Variants in ELMOD3 observed in about 807,000 individuals in gnomAD.
The protein encoded by ELMOD3 is ELMO domain containing 3.
ELMOD3 carries 36 observed loss-of-function variants against 47.4 expected under a neutral mutation model. The observed-to-expected ratio is 0.76, with a 90% CI of 0.58 to 1.00. ELMOD3 has a LOEUF of 1.00. ELMOD3 is among the 50% of genes least tolerant of loss of function. ELMOD3 has a pLI of 0.00. For synonymous variants in ELMOD3, 149 were observed against 183.5 expected (o/e 0.81, Z 1.52); for missense variants, 404 against 463.8 (o/e 0.87, Z 1.18).
intron 11 of ELMOD3, 107 bp downstream of exon 11, chr2:85,377,581 C>T: frequency 8.1e-7 from 1 of 1,227,462 alleles, no homozygotes. Context: ...AATGGGCTTC[C>T]CCGTCAGTCT....
At chr2:85,357,624 C>T in intron 4 of ELMOD3, 1 of 159,918 alleles carries the variant, frequency 6.3e-6, no homozygotes, top group Non-Finnish European at 1.4e-5. Flanking sequence ...TTTGTATGAG[C>T]CGGGCAGCTA....
rs1184031151 is a variant in ELMOD3 at position 85,390,444 on chromosome 2, T to G, written c.943+179T>G. The G allele has an allele frequency of 3.1e-6, 5 of 1,614,216 alleles. No individual in the cohort carries two copies. In the East Asian group the frequency reaches 1.1e-4, roughly 36 times the overall value. ...TGGAGTCTGCTAGTTCTCCTTTCTC[T>G]GCCCTGACTGTCGCCCTTTTCTGGT... On this transcript the variant is annotated intron_variant, in intron 13 of 13. Transcript: ENST00000409013.
chr2:85,381,824 G>A (rs1685558687), intron 11 of ELMOD3, among the ~76,000 whole-genome samples: 2 of 152,002 alleles, frequency 1.3e-5, no homozygotes, highest in Admixed American at 6.6e-5. Flanking sequence ...TGCTGTCAAT[G>A]TTTAAGATTT....
intron 10 of ELMOD3, among the ~76,000 whole-genome samples, chr2:85,375,620 C>G (rs930290490): frequency 2.6e-5 from 4 of 152,010 alleles, no homozygotes; most frequent in African/African-American, 9.7e-5. Flanking sequence ...AATTGCTTAC[C>G]AAAGGCATTT....
intron 10 of ELMOD3, chr2:85,377,016 A>G (rs1685204728): frequency 5.8e-6 from 1 of 171,120 alleles, no homozygotes; most frequent in South Asian, 1.9e-4. Flanking sequence ...CAGAAAGTGC[A>G]TTATTCATCT....
At chr2:85,369,670 G>A (rs139909907) in intron 7 of ELMOD3, 69 bp from the exon 8 acceptor site, 30,891 of 1,529,282 alleles carry the variant, frequency 0.02, 393 homozygotes, top group Non-Finnish European at 0.024. Flanking sequence ...ACAAGTAGGA[G>A]GGCCTCAGTA....
chr2:85,368,702 G>T lies in ELMOD3; in HGVS notation c.216G>T (p.Val72=), dbSNP rs765214839. The T allele has an allele frequency of 6.2e-6, 10 of 1,613,922 alleles. No individual in the cohort carries two copies. Among genetic ancestry groups the T allele is most frequent in the African/African-American group, 1.3e-5 (1 of 74,864 alleles). ...EWEPRVVSTE[V]VRAQEEWEAV... The stretch of plus-strand genomic sequence containing the variant: ...CTATTGCAGTTGTGAGTACAGAGGT[G>T]GTCAGAGCCCAAGAAGAATGGGAAG... The change falls in exon 7 of 14, where the codon GTG becomes GTT. Residue 72 remains valine (V), a synonymous_variant. Coordinates refer to ENST00000409013, the MANE Select transcript of ELMOD3 (RefSeq NM_001135022.2).
chr2:85,369,577 C>A (rs1684640441), intron 7 of ELMOD3, among the ~76,000 whole-genome samples, 162 bp from the exon 8 acceptor site: 1 of 152,220 alleles, frequency 6.6e-6, no homozygotes, highest in African/African-American at 2.4e-5. Flanking sequence ...TCTTCGCCGA[C>A]AATGCCAGCC....
intron 10 of ELMOD3, 103 bp from the exon 11 acceptor site, chr2:85,377,241 T>G (rs1161347480): frequency 1.8e-6 from 2 of 1,092,114 alleles, no homozygotes; most frequent in Non-Finnish European, 2.5e-6. Context: ...CTGCTCATGC[T>G]CCGCTAGCCT....
intron 11 of ELMOD3, among the ~76,000 whole-genome samples, chr2:85,379,194 ATTTTGTTTTG>A (rs950331637): frequency 3.9e-5 from 6 of 152,050 alleles, no homozygotes; most frequent in East Asian, 3.9e-4. Flanking sequence ...TTAAAACATT[ATTTTGTTTTG>A]TTTTGTTTTG....
Position 85,368,735 on chromosome 2 carries a change from C to T in ELMOD3, c.249C>T (p.Asp83=). ...CCCAAGAAGAATGGGAAGCTGTGGA[C>T]ACCATCCAGCCAGAGACAGGTAACT... ...VRAQEEWEAV[D]TIQPETGSQA... Residue 83 remains aspartate (D), a synonymous_variant, in exon 7 of 14, where the codon GAC becomes GAT. Coordinates refer to ENST00000409013, the MANE Select transcript of ELMOD3 (RefSeq NM_001135022.2). The T allele has an allele frequency of 6.2e-7, 1 of 1,614,164 alleles. No individual in the cohort carries two copies. Among genetic ancestry groups the T allele is most frequent in the African/African-American group, 1.3e-5 (1 of 75,036 alleles).
At chr2:85,365,796 G>T (rs1573097726) in intron 6 of ELMOD3, among the ~76,000 whole-genome samples, 1 of 152,184 alleles carries the variant, frequency 6.6e-6, no homozygotes, top group East Asian at 1.9e-4. Context: ...GCTGTTTGTA[G>T]GCGAGGGTGT....
At chr2:85,390,031 T>C (rs760866059) in intron 12 of ELMOD3, 107 bp from the exon 13 acceptor site, 1 of 1,243,158 alleles carries the variant, frequency 8.0e-7, no homozygotes, top group Admixed American at 1.7e-5. Context: ...GGGGGCATCC[T>C]GGGTTTGGGC....
intron 7 of ELMOD3, 136 bp downstream of exon 7, chr2:85,368,890 A>G (rs2104568408): frequency 1.2e-6 from 1 of 862,122 alleles, no homozygotes; most frequent in South Asian, 1.5e-5. Context: ...ACTATATAAC[A>G]TAGATTACAG....
intron 5 of ELMOD3, among the ~76,000 whole-genome samples, chr2:85,362,858 C>CA (rs534681901): frequency 6.6e-6 from 1 of 152,224 alleles, no homozygotes; most frequent in Non-Finnish European, 1.5e-5. Context: ...GTGGAGGTTG[C>CA]AGTGAGCCAA....
At chr2:85,369,671 G>A in intron 7 of ELMOD3, 68 bp from the exon 8 acceptor site, 1 of 1,532,616 alleles carries the variant, frequency 6.5e-7, no homozygotes, top group South Asian at 1.2e-5. Context: ...CAAGTAGGAG[G>A]GCCTCAGTAA....
Position 85,391,562 on chromosome 2 carries a change from C to T in ELMOD3, c.*600C>T, listed in dbSNP as rs540702645. 2.0e-5 allele frequency: 3 copies of T among 153,506 alleles called. No homozygotes were observed. Among genetic ancestry groups the T allele is most frequent in the Admixed American group, 6.5e-5 (1 of 15,340 alleles). The allele number at this position is 153,506 out of a possible 1,614,324, so 9.5% of individuals were successfully genotyped here. On this transcript the variant is annotated 3_prime_UTR_variant, in exon 14 of 14. Transcript: ENST00000409013. ...CCCACTCTCTTCTCCCCCTGACCCC[C>T]GCTCCATTGTTTATGATGGAAAAAC...
In ELMOD3 at chr2:85,390,330, G is replaced by A. The variant is rs189210777; in HGVS notation, c.943+65G>A. On this transcript the variant is annotated intron_variant, in intron 13 of 13. Transcript: ENST00000409013. ...AGTGTCCCAGGTCCAGAGAGCCCAA[G>A]GTGGTTGCTAGACTGGTTTTGGCTG... 1.6e-4 allele frequency: 252 copies of A among 1,614,106 alleles called. No homozygotes were observed. The highest frequency in any genetic ancestry group is 9.7e-4 in the Admixed American group (58 of 60,012).
chr2:85,387,666 CA>C (rs33992978), intron 11 of ELMOD3, among the ~76,000 whole-genome samples: 230 of 94,072 alleles, frequency 2.4e-3, no homozygotes, highest in East Asian at 6.0e-3. Context: ...GACTCCATCT[CA>C]AAAAAAAAAA....
Sources: allele counts gnomAD v4.1 joint callset (sites outside exome capture counted in the v4.1 genomes callset), GRCh38; gene constraint gnomAD v4.1.1; transcripts MANE v1.5; gene names NCBI Gene and HGNC (gene_info 2026-07-23, HGNC 2026-07-21).